CCDC180: variants seen among roughly 807,000 people sequenced by gnomAD.
CCDC180 encodes coiled-coil domain-containing protein 180.
CCDC180 carries 154 observed loss-of-function variants against 209.2 expected under a neutral mutation model. The ratio of observed to expected loss-of-function variants is 0.74; its 90% CI spans 0.65 to 0.84. CCDC180 has a LOEUF of 0.84. Among genes scored for constraint, CCDC180 ranks in the 40% least tolerant of loss-of-function variants. The pLI is 0.00. For missense variants in CCDC180, 1,874 were observed against 1,997.3 expected (o/e 0.94, Z 1.18); for synonymous variants, 778 against 749.1 (o/e 1.04, Z -0.63).
intron 16 of CCDC180, among the ~76,000 whole-genome samples, chr9:97,328,669 A>G (rs539249641): frequency 8.6e-5 from 13 of 151,990 alleles, no homozygotes; most frequent in Admixed American, 6.6e-4. Flanking sequence ...CTGTCTCCAC[A>G]TATCCCAAAC....
At chr9:97,364,495 T>C in intron 29 of CCDC180, 1 of 211,812 alleles carries the variant, frequency 4.7e-6, no homozygotes, top group South Asian at 6.9e-5. Flanking sequence ...TTAGTATAGC[T>C]TCATTGCAAG....
At chr9:97,370,923 C>T (rs1827074237) in intron 33 of CCDC180, 145 bp downstream of exon 33, 1 of 570,120 alleles carries the variant, frequency 1.8e-6, no homozygotes, top group Non-Finnish European at 2.9e-6. Context: ...GTAAAAATGG[C>T]CATTATTGGC....
At chr9:97,375,649 A>AAG in intron 36 of CCDC180, 60 bp downstream of exon 36, 1 of 1,605,392 alleles carries the variant, frequency 6.2e-7, no homozygotes, top group Non-Finnish European at 8.5e-7. Flanking sequence ...CTGCCTTGGG[A>AAG]AGGGGGAGCT....
chr9:97,312,456 C>G (rs1833020801), intron 4 of CCDC180, among the ~76,000 whole-genome samples: 1 of 152,172 alleles, frequency 6.6e-6, no homozygotes, highest in Non-Finnish European at 1.5e-5. Context: ...TTAAAGGATG[C>G]CACTCGTTTT....
intron 5 of CCDC180, among the ~76,000 whole-genome samples, chr9:97,314,024 C>G (rs1833074828): frequency 6.6e-6 from 1 of 152,202 alleles, no homozygotes; most frequent in Admixed American, 6.5e-5. Flanking sequence ...CTGCTTTCAC[C>G]CTTGAGCTCT....
intron 4 of CCDC180, 137 bp downstream of exon 4, chr9:97,312,338 A>C (rs1833016974): frequency 1.5e-6 from 1 of 673,272 alleles, no homozygotes; most frequent in Non-Finnish European, 2.5e-6. Flanking sequence ...AGCCACCCGG[A>C]GGGCATTCTC....
rs562044032 is a variant in CCDC180, at chr9:97,336,593, G to A, written c.2274+5826G>A. ...TTGTAGTATAGTTTGAAGTCAGGTA[G>A]CGTGATGCCTCCAGCTTTGTTCTTT... On this transcript the variant is annotated intron_variant, in intron 18 of 36. Transcript: ENST00000529487. 5.5e-4 allele frequency among the ~76,000 whole-genome samples: 84 copies of A among 152,318 alleles called. No homozygotes were observed. In the East Asian group the frequency reaches 0.013, roughly 24 times the overall value.
At chr9:97,309,971 C>G (rs10981546) in intron 3 of CCDC180, among the ~76,000 whole-genome samples, 32 of 152,298 alleles carry the variant, frequency 2.1e-4, no homozygotes, top group African/African-American at 7.2e-4. Context: ...GGAGGATCAG[C>G]TGAAACCAGA....
intron 28 of CCDC180, chr9:97,363,479 C>G: frequency 2.5e-6 from 1 of 402,422 alleles, no homozygotes; most frequent in South Asian, 2.1e-5. Flanking sequence ...CAGCCATGAC[C>G]TGTTTACATG....
chr9:97,346,454 A>G (rs1826263785), intron 19 of CCDC180, among the ~76,000 whole-genome samples: 1 of 152,254 alleles, frequency 6.6e-6, no homozygotes. Context: ...AGAAATGATA[A>G]GCTGAGAAGC....
chr9:97,324,081 G>A (rs549264653), intron 13 of CCDC180, 178 bp downstream of exon 13: 32 of 658,128 alleles, frequency 4.9e-5, no homozygotes, highest in African/African-American at 9.2e-5. Flanking sequence ...CTCACTCACC[G>A]GACTCCTCCC....
In CCDC180 at chr9:97,366,477, T is replaced by A; in HGVS notation, c.4048-82T>A. 1 of 1,420,208 alleles carries A rather than the reference T, an allele frequency of 7.0e-7. No individual in the cohort carries two copies. 88.0% of individuals were successfully genotyped at this position (1,420,208 alleles called of 1,614,324 possible). A position where few individuals can be genotyped will look rare whatever the true frequency, so the allele number is the denominator to read the frequency against. ...GAGCAAAGGCTAGGGAGTGTGGAGG[T>A]GAGGGCAGGCTGGTGGATCCCAGGA... On this transcript the variant is annotated intron_variant, in intron 30 of 36. Transcript: ENST00000529487. This position sits in a 1 kb window ranked among gnomAD's most constrained non-coding sequence, Gnocchi z 4.3.
chr9:97,330,659 G>A lies in CCDC180; in HGVS notation c.2166G>A (p.Glu722=). ...AGGGTCAAGGAGAAAAGAAGGAGGAGTCAGAGGAGGAAGATGAGAAGGAGG... is the reference window on the plus strand; with the variant it reads ...AGGGTCAAGGAGAAAAGAAGGAGGAATCAGAGGAGGAAGATGAGAAGGAGG... ...NVKGQGEKKE[E]SEEEDEKEEE... The change falls in exon 18 of 37, where the codon GAG becomes GAA. Residue 722 remains glutamate, a synonymous_variant. Coordinates refer to ENST00000529487, the MANE Select transcript of CCDC180 (RefSeq NM_020893.6). 1 of 1,607,592 alleles carries A rather than the reference G, an allele frequency of 6.2e-7. No individual in the cohort carries two copies. The highest frequency in any genetic ancestry group is 8.5e-7 in the Non-Finnish European group (1 of 1,178,538).
chr9:97,375,099 C>T (rs1047984615), intron 35 of CCDC180, among the ~76,000 whole-genome samples: 4 of 152,176 alleles, frequency 2.6e-5, no homozygotes, highest in African/African-American at 9.7e-5. Context: ...GCTATGTTCT[C>T]AGAAGTGGTG....
intron 21 of CCDC180, among the ~76,000 whole-genome samples, chr9:97,350,029 A>T (rs548596487): frequency 6.6e-6 from 1 of 152,218 alleles, no homozygotes; most frequent in South Asian, 2.1e-4. Context: ...TGTCCTGCAG[A>T]CACTGGAATT....
chr9:97,319,863 G>A (rs28628235), intron 10 of CCDC180, among the ~76,000 whole-genome samples: 16,992 of 152,146 alleles, frequency 0.11, 2,717 homozygotes, highest in African/African-American at 0.35. Context: ...CCTTGGTCAA[G>A]GGATGTGAAC....
rs755455992 is a variant in CCDC180, at chr9:97,357,709, C to T, written c.3347C>T (p.Ser1116Phe). The T allele has an allele frequency of 4.3e-6, 7 of 1,610,092 alleles. No individual in the cohort carries two copies. Among genetic ancestry groups the T allele is most frequent in the Non-Finnish European group, 5.9e-6 (7 of 1,177,652 alleles). ...LQNKIKTCQE[S>F]RGEKTTVTTE... ...AACAAGATAAAAACTTGTCAAGAGT[C>T]CAGGGGAGAGAAAACCGTAAGTGTT... Residue 1116 changes from serine to phenylalanine, a missense_variant, in exon 25 of 37, where the codon TCC becomes TTC. Coordinates refer to ENST00000529487, the MANE Select transcript of CCDC180 (RefSeq NM_020893.6).
chr9:97,335,183 C>CT (rs201653390), intron 18 of CCDC180, among the ~76,000 whole-genome samples: 27 of 149,356 alleles, frequency 1.8e-4, no homozygotes, highest in African/African-American at 6.1e-4. Context: ...TATTTTAAAA[C>CT]TTTTTTTTTT....
chr9:97,337,069 A>G (rs891705760), intron 18 of CCDC180, among the ~76,000 whole-genome samples: 8 of 152,214 alleles, frequency 5.3e-5, no homozygotes, highest in Non-Finnish European at 1.0e-4. Context: ...TTGGACTGAG[A>G]CAATGGGGTT....
Sources: allele counts gnomAD v4.1 joint callset (sites outside exome capture counted in the v4.1 genomes callset), GRCh38; gene constraint gnomAD v4.1.1; non-coding constraint Gnocchi (gnomAD v3.1); transcripts MANE v1.5; gene names NCBI Gene and HGNC (gene_info 2026-07-23, HGNC 2026-07-21).